Variants in TSHZ2 observed in about 807,000 individuals in gnomAD.
TSHZ2 encodes the protein teashirt homolog 2.
TSHZ2 carries 21 observed loss-of-function variants against 74.4 expected under a neutral mutation model. The observed-to-expected ratio is 0.28, with a 90% CI of 0.20 to 0.41. The LOEUF is 0.41. Among genes scored for constraint, TSHZ2 ranks in the 10% least tolerant of loss-of-function variants. The pLI is 1.00. For synonymous variants in TSHZ2, 540 were observed against 515.3 expected (o/e 1.05, Z -0.65); for missense variants, 1,244 against 1,293.5 (o/e 0.96, Z 0.59).
At chr20:53,174,654 G>A (rs933026962) in intron 1 of TSHZ2, among the ~76,000 whole-genome samples, 7 of 152,198 alleles carry the variant, frequency 4.6e-5, no homozygotes, top group Non-Finnish European at 5.9e-5. Flanking sequence ...CTATCATGAC[G>A]CCTGTGTCTC....
Position 53,243,875 on chromosome 20 carries a change from T to C in TSHZ2, c.41-9624T>C, listed in dbSNP as rs1444688202. Among the ~76,000 whole-genome samples, 4 of 151,742 alleles carry C rather than the reference T, an allele frequency of 2.6e-5. No individual in the cohort carries two copies. In the East Asian group the frequency reaches 5.8e-4, roughly 22 times the overall value. ...TCTTAATGGGTAGTGGTCACAGCCA[T>C]GAACTTAGCAAAAGAAGCAAGTTAA... On this transcript the variant is annotated intron_variant, in intron 1 of 2. Transcript: ENST00000371497.
intron 1 of TSHZ2, among the ~76,000 whole-genome samples, chr20:53,166,793 AAAATC>A (rs1467344734): frequency 3.9e-5 from 6 of 152,172 alleles, no homozygotes; most frequent in Non-Finnish European, 5.9e-5. Flanking sequence ...AATAAAATAA[AAAATC>A]AAAACAAAAA....
rs1296550244 is a variant in TSHZ2, at chr20:53,255,465, C to G, written c.2007C>G (p.Pro669=). The G allele has an allele frequency of 3.1e-6, 5 of 1,609,358 alleles. No homozygotes were observed. The highest frequency in any genetic ancestry group is 4.2e-6 in the Non-Finnish European group (5 of 1,179,432). ...KEGSEKEKPQ[P]LEPTSALSNG... ...GCAGCGAGAAGGAGAAACCCCAGCC[C>G]CTGGAGCCCACATCTGCTCTGAGCA... Residue 669 remains proline (P), a synonymous_variant, in exon 2 of 3, where the codon CCC becomes CCG. Transcript: ENST00000371497. This position sits in a 1 kb window ranked among gnomAD's most constrained non-coding sequence, Gnocchi z 4.1.
rs1377048301 is a variant in TSHZ2, at chr20:53,490,154, A to C, written c.*3019A>C. The C allele has an allele frequency of 6.6e-6, 1 of 152,106 alleles. No individual in the cohort carries two copies. 9.4% of individuals were successfully genotyped at this position (152,106 alleles called of 1,614,324 possible). A position where few individuals can be genotyped will look rare whatever the true frequency, so the allele number is the denominator to read the frequency against. On this transcript the variant is annotated 3_prime_UTR_variant, in exon 3 of 3. Transcript: ENST00000371497. ...GACCACCAACCAGCTGCAAATTGAG[A>C]TGTCCATTTAAAAATTTATATGTCA...
chr20:53,243,074 G>A (rs1990110070), intron 1 of TSHZ2, among the ~76,000 whole-genome samples: 1 of 152,154 alleles, frequency 6.6e-6, no homozygotes, highest in Non-Finnish European at 1.5e-5. Context: ...GAGTAAGTGG[G>A]GGAGGGTACA....
chr20:53,230,647 C>T (rs1255434976), intron 1 of TSHZ2, among the ~76,000 whole-genome samples: 4 of 152,126 alleles, frequency 2.6e-5, no homozygotes, highest in Non-Finnish European at 5.9e-5. Flanking sequence ...AATCCCAGCA[C>T]TTTGGGAGGC....
At chr20:53,050,252 G>A (rs1264270209) in intron 1 of TSHZ2, among the ~76,000 whole-genome samples, 1 of 149,986 alleles carries the variant, frequency 6.7e-6, no homozygotes, top group Non-Finnish European at 1.5e-5. Flanking sequence ...AAAGTGTTTT[G>A]TGATTGGTAT....
At chr20:53,126,652 G>C (rs1351829578) in intron 1 of TSHZ2, among the ~76,000 whole-genome samples, 2 of 152,176 alleles carry the variant, frequency 1.3e-5, no homozygotes, top group African/African-American at 4.8e-5. Flanking sequence ...TCATTCAGGA[G>C]CTGGCAGGGT....
intron 1 of TSHZ2, among the ~76,000 whole-genome samples, chr20:53,157,926 G>T (rs182758373): frequency 3.0e-4 from 45 of 151,856 alleles, no homozygotes; most frequent in Admixed American, 1.5e-3. Flanking sequence ...GTGGTGGGCA[G>T]TCACAGCCAC....
rs549766414 is a variant in TSHZ2 at position 53,106,087 on chromosome 20, G to A, written c.40+132754G>A. ...ATCATCTCAAATCTTTAATATTGTG[G>A]GAGGAGAACCTTTCAAATCTTCTAT... On this transcript the variant is annotated intron_variant, in intron 1 of 2. Coordinates refer to ENST00000371497, the MANE Select transcript of TSHZ2 (RefSeq NM_173485.6). Among the ~76,000 whole-genome samples the A allele has an allele frequency of 1.7e-3, 260 of 152,122 alleles. 1 individual carries two copies. Among genetic ancestry groups the A allele is most frequent in the Non-Finnish European group, 2.3e-3 (157 of 68,000 alleles).
intron 2 of TSHZ2, among the ~76,000 whole-genome samples, chr20:53,436,524 TTTATTA>T (rs754149055): frequency 1.8e-4 from 22 of 123,352 alleles, no homozygotes; most frequent in East Asian, 4.9e-4. Flanking sequence ...ATTTTATTTA[TTTATTA>T]TTATTATTAT....
intron 1 of TSHZ2, among the ~76,000 whole-genome samples, chr20:53,110,168 A>G (rs1205412807): frequency 2.0e-5 from 3 of 152,072 alleles, no homozygotes; most frequent in Admixed American, 2.0e-4. Context: ...AAATTCTTAC[A>G]ACCATCTTCA....
Position 53,191,547 on chromosome 20 carries a change from C to T in TSHZ2, c.41-61952C>T, listed in dbSNP as rs555969477. ...GTGTGGTGGCACGTGGCTGTAGTCT[C>T]AGCCACTTGGGATGCTGAAGTGGGA... is the stretch of plus-strand genomic sequence containing the variant. On this transcript the variant is annotated intron_variant, in intron 1 of 2. Coordinates refer to ENST00000371497, the MANE Select transcript of TSHZ2 (RefSeq NM_173485.6). 2.8e-3 allele frequency among the ~76,000 whole-genome samples: 431 copies of T among 152,326 alleles called. 2 individuals carry two copies. Among genetic ancestry groups the T allele is most frequent in the African/African-American group, 9.9e-3 (413 of 41,586 alleles).
At chr20:53,468,123 AGAT>A (rs1177728545) in intron 2 of TSHZ2, among the ~76,000 whole-genome samples, 1 of 152,218 alleles carries the variant, frequency 6.6e-6, no homozygotes. Context: ...TACTGAGAAG[AGAT>A]TCATGTTAAA....
At chr20:53,383,439 C>T (rs1487832245) in intron 2 of TSHZ2, among the ~76,000 whole-genome samples, 1 of 151,994 alleles carries the variant, frequency 6.6e-6, no homozygotes, top group Non-Finnish European at 1.5e-5. Context: ...GTGGATAAAT[C>T]CATGACTTTT....
At chr20:53,482,905 C>CA (rs1191571555) in intron 2 of TSHZ2, among the ~76,000 whole-genome samples, 62 of 150,614 alleles carry the variant, frequency 4.1e-4, no homozygotes, top group Middle Eastern at 3.4e-3. Context: ...GACTCTGTCT[C>CA]AAAAAAAACA....
intron 1 of TSHZ2, among the ~76,000 whole-genome samples, chr20:53,135,160 T>C (rs6022293): frequency 0.02 from 3,060 of 152,304 alleles, 92 homozygotes; most frequent in African/African-American, 0.07. Context: ...AATTATCATA[T>C]GGTAAAATTG....
At chr20:53,374,651 T>C (rs1981595107) in intron 2 of TSHZ2, among the ~76,000 whole-genome samples, 1 of 152,130 alleles carries the variant, frequency 6.6e-6, no homozygotes, top group Non-Finnish European at 1.5e-5. Context: ...AGAATCTGTT[T>C]TTGTTTTGTT....
intron 1 of TSHZ2, among the ~76,000 whole-genome samples, chr20:53,057,088 C>T (rs1263346949): frequency 2.6e-5 from 4 of 152,164 alleles, no homozygotes; most frequent in Admixed American, 2.6e-4. Context: ...AAGGGCAGTT[C>T]CCCTGCACCG....
Sources: gnomAD v4.1 joint callset for allele counts (sites outside exome capture counted in the v4.1 genomes callset) on GRCh38, gnomAD v4.1.1 for gene constraint, Gnocchi (gnomAD v3.1) non-coding constraint, MANE v1.5 for transcripts, NCBI Gene and HGNC (gene_info 2026-07-23, HGNC 2026-07-21) for gene names.